The following GNAQ variants were observed in gnomAD, a reference collection of about 807,000 sequenced individuals.
GNAQ encodes G protein subunit alpha q.
Under a neutral mutation model 43.9 loss-of-function variants are expected in GNAQ, and 8 were observed. The observed-to-expected ratio is 0.18, with a 90% CI of 0.11 to 0.33. GNAQ has a LOEUF of 0.33. GNAQ is among the 10% of genes least tolerant of loss of function. The probability of loss-of-function intolerance (pLI) is 1.00; values close to 1 mark genes in which losing one functional copy is unlikely to be tolerated. For synonymous variants in GNAQ, 155 were observed against 170.7 expected (o/e 0.91, Z 0.71); for missense variants, 158 against 450.8 (o/e 0.35, Z 5.88).
intron 2 of GNAQ, among the ~76,000 whole-genome samples, chr9:77,880,901 G>A (rs1053467556): frequency 2.0e-5 from 3 of 152,116 alleles, no homozygotes; most frequent in East Asian, 1.9e-4. Context: ...AGAGGACCAC[G>A]AGCGAAGTAG....
chr9:77,996,566 T>C (rs1277194918), intron 1 of GNAQ, among the ~76,000 whole-genome samples: 3 of 150,614 alleles, frequency 2.0e-5, no homozygotes, highest in Non-Finnish European at 4.4e-5. Flanking sequence ...TAATCCCAGG[T>C]ACTCAGGAGG....
At chr9:77,747,368 C>A (rs1038209167) in intron 5 of GNAQ, among the ~76,000 whole-genome samples, 1 of 152,074 alleles carries the variant, frequency 6.6e-6, no homozygotes, top group South Asian at 2.1e-4. Context: ...CTTTTAACTC[C>A]TACTTTTGAT....
intron 5 of GNAQ, among the ~76,000 whole-genome samples, chr9:77,781,410 G>C (rs907809300): frequency 5.9e-5 from 9 of 151,960 alleles, no homozygotes; most frequent in Admixed American, 6.6e-5. Context: ...TAGATATAGG[G>C]GTTACTGTCA....
intron 2 of GNAQ, among the ~76,000 whole-genome samples, chr9:77,903,424 A>G (rs958071282): frequency 1.3e-5 from 2 of 152,174 alleles, no homozygotes; most frequent in Non-Finnish European, 2.9e-5. Flanking sequence ...AAGGGAGAGG[A>G]TAGAAGCAGG....
chr9:77,895,984 C>G (rs542471837), intron 2 of GNAQ, among the ~76,000 whole-genome samples: 4 of 152,202 alleles, frequency 2.6e-5, no homozygotes, highest in African/African-American at 4.8e-5. Context: ...TTGTAAATTG[C>G]CCAGTCTCGG....
chr9:77,965,950 T>A (rs978853889), intron 1 of GNAQ, among the ~76,000 whole-genome samples: 4 of 152,032 alleles, frequency 2.6e-5, no homozygotes, highest in African/African-American at 7.2e-5. Flanking sequence ...CATCAGTAGA[T>A]GAATGGATAA....
At chr9:78,012,806 TATA>T (rs764326542) in intron 1 of GNAQ, among the ~76,000 whole-genome samples, 17 of 152,296 alleles carry the variant, frequency 1.1e-4, no homozygotes, top group Non-Finnish European at 2.1e-4. Flanking sequence ...TAGGTTTAAT[TATA>T]ATGATTCCCT....
At chr9:77,824,856 T>C (rs953678502) in intron 2 of GNAQ, among the ~76,000 whole-genome samples, 1 of 152,208 alleles carries the variant, frequency 6.6e-6, no homozygotes, top group African/African-American at 2.4e-5. Context: ...TATTGCTTCA[T>C]TTTTTTGTAC....
At chr9:78,026,607 G>A (rs747414175) in intron 1 of GNAQ, among the ~76,000 whole-genome samples, 6 of 152,082 alleles carry the variant, frequency 3.9e-5, no homozygotes, top group African/African-American at 9.7e-5. Flanking sequence ...TCACTCAATG[G>A]TTCTGAGTCA....
intron 1 of GNAQ, among the ~76,000 whole-genome samples, chr9:78,029,306 C>A (rs1257815547): frequency 6.6e-6 from 1 of 151,970 alleles, no homozygotes; most frequent in Non-Finnish European, 1.5e-5. Flanking sequence ...AAAAAAAACA[C>A]AATTCTTAAA....
chr9:77,811,005 A>C (rs1029257705), intron 3 of GNAQ, among the ~76,000 whole-genome samples: 10 of 152,184 alleles, frequency 6.6e-5, no homozygotes, highest in Non-Finnish European at 1.5e-4. Flanking sequence ...GTATTTTTTT[A>C]AGTCGCTTGC....
intron 1 of GNAQ, among the ~76,000 whole-genome samples, chr9:77,941,478 T>C (rs921085562): frequency 6.6e-6 from 1 of 152,102 alleles, no homozygotes; most frequent in African/African-American, 2.4e-5. Flanking sequence ...CTCGATCTCC[T>C]GACCTCATGA....
rs1472396600 is a variant in GNAQ at position 77,866,455 on chromosome 9, T to C, written c.322-50685A>G. ...ACTGTCTCAAAAAATAAATAAATAATTAAAAATTAAAAATTAAAACTAAAC... is the reference window on the plus strand; with the variant it reads ...ACTGTCTCAAAAAATAAATAAATAACTAAAAATTAAAAATTAAAACTAAAC... On this transcript the variant is annotated intron_variant, in intron 2 of 6. Coordinates refer to ENST00000286548, the MANE Select transcript of GNAQ (RefSeq NM_002072.5). Among the ~76,000 whole-genome samples, 6 of 152,198 alleles carry C rather than the reference T, an allele frequency of 3.9e-5. No homozygotes were observed. In the East Asian group the frequency reaches 1.2e-3, roughly 29 times the overall value.
Position 77,922,495 on chromosome 9 carries a change from C to T in GNAQ, c.137-150G>A, listed in dbSNP as rs1587411587. 1.0e-5 allele frequency: 6 copies of T among 600,464 alleles called. No homozygotes were observed. In the East Asian group the frequency reaches 1.6e-4, roughly 16 times the overall value. 37.2% of individuals were successfully genotyped at this position (600,464 alleles called of 1,614,324 possible). ...AATTGGAAACACTACCTATGGTGAA[C>T]ATTTAGCAAAATTAGAGGGAGAGAG... On this transcript the variant is annotated intron_variant, in intron 1 of 6. Transcript: ENST00000286548.
In GNAQ at chr9:78,025,030, T is replaced by C. The variant is rs182987917; in HGVS notation, c.136+6070A>G. Among the ~76,000 whole-genome samples the C allele has an allele frequency of 5.1e-4, 78 of 152,326 alleles. 2 individuals are homozygous for C. The highest frequency in any genetic ancestry group is 5.1e-4 in the Non-Finnish European group (35 of 68,032). ...TATAAAGGTTAACAACAGAGCTGTA[T>C]AGTTAATCCAATTTGGGATTCTCGG... On this transcript the variant is annotated intron_variant, in intron 1 of 6. Transcript: ENST00000286548.
chr9:77,746,124 A>C (rs1825725062), intron 5 of GNAQ, among the ~76,000 whole-genome samples: 1 of 152,206 alleles, frequency 6.6e-6, no homozygotes, highest in Non-Finnish European at 1.5e-5. Flanking sequence ...ATCTGAGTCT[A>C]TACCCAGCCA....
intron 1 of GNAQ, among the ~76,000 whole-genome samples, chr9:78,023,459 T>C (rs888370813): frequency 1.3e-5 from 2 of 152,044 alleles, no homozygotes; most frequent in South Asian, 4.2e-4. Flanking sequence ...GGGTGGGTGG[T>C]ATTCACATGA....
At chr9:77,775,911 C>G (rs1826300097) in intron 5 of GNAQ, among the ~76,000 whole-genome samples, 1 of 151,788 alleles carries the variant, frequency 6.6e-6, no homozygotes, top group Non-Finnish European at 1.5e-5. Flanking sequence ...GGTGACAGAG[C>G]ACGACTCTGT....
intron 2 of GNAQ, among the ~76,000 whole-genome samples, chr9:77,824,055 A>G (rs891303449): frequency 1.4e-4 from 21 of 152,222 alleles, no homozygotes; most frequent in Non-Finnish European, 1.5e-4. Flanking sequence ...TGGTACCTTC[A>G]TGTACTTTAG....
Sources: gnomAD v4.1 joint callset for allele counts (sites outside exome capture counted in the v4.1 genomes callset) on GRCh38, gnomAD v4.1.1 for gene constraint, MANE v1.5 for transcripts, NCBI Gene and HGNC (gene_info 2026-07-23, HGNC 2026-07-21) for gene names.